UBE2O: variants seen among roughly 807,000 people sequenced by gnomAD.
The protein encoded by UBE2O is ubiquitin conjugating enzyme E2 O.
UBE2O carries 15 observed loss-of-function variants against 125.8 expected under a neutral mutation model. The observed-to-expected ratio is 0.12, with a 90% confidence interval of 0.08 to 0.18. The LOEUF (loss-of-function observed/expected upper bound fraction) is 0.18. Ranked by LOEUF, UBE2O falls within the 10% of genes least tolerant of loss-of-function variation. The pLI is 1.00. For missense variants in UBE2O, 1,280 were observed against 1,723.6 expected, an observed-to-expected ratio of 0.74 and a Z score of 4.56; for synonymous variants, 708 against 703.2, an observed-to-expected ratio of 1.01 and a Z score of -0.11.
In UBE2O at chr17:76,399,959, G is replaced by A. The variant is rs190698199; in HGVS notation, c.1156-38C>T. The A allele has an allele frequency of 1.6e-5, 25 of 1,564,636 alleles. No individual in the cohort carries two copies. Among genetic ancestry groups the A allele is most frequent in the African/African-American group, 1.5e-4 (11 of 73,858 alleles). ...AGCAGAGAGGACAGGGCTGTGAGGT[G>A]CACCTGGGCAGGCCTGGCCCTAGGC... On this transcript the variant is annotated intron_variant, in intron 8 of 17. Coordinates refer to ENST00000319380, the MANE Select transcript of UBE2O (RefSeq NM_022066.4). This position sits in a 1 kb window ranked among gnomAD's most constrained non-coding sequence, Gnocchi z 6.9.
intron 1 of UBE2O, among the ~76,000 whole-genome samples, chr17:76,450,953 C>G (rs1184407123): frequency 1.3e-5 from 2 of 152,102 alleles, no homozygotes; most frequent in African/African-American, 4.8e-5. Flanking sequence ...ATAGGTATTT[C>G]AAGTCAAACT....
chr17:76,411,731 G>GT (rs1408190427), intron 1 of UBE2O, among the ~76,000 whole-genome samples: 1 of 152,168 alleles, frequency 6.6e-6, no homozygotes, highest in Non-Finnish European at 1.5e-5. Flanking sequence ...TGCCACCCAG[G>GT]TTGGAGGGCA....
chr17:76,450,942 A>C (rs575866718), intron 1 of UBE2O, among the ~76,000 whole-genome samples: 1 of 152,296 alleles, frequency 6.6e-6, no homozygotes, highest in South Asian at 2.1e-4. Flanking sequence ...TTAACTCCAA[A>C]ATAGGTATTT....
rs569905016 is a variant in UBE2O at position 76,415,798 on chromosome 17, T to G, written c.418-10226A>C. Among the ~76,000 whole-genome samples, 1,134 of 137,308 alleles carry G rather than the reference T, an allele frequency of 8.3e-3. 11 individuals are homozygous for G. The highest frequency in any genetic ancestry group is 0.013 in the Admixed American group (190 of 14,228). The allele number at this position is 137,308 out of a possible 152,430, so 90.1% of individuals were successfully genotyped here. ...CAGCTTGGGCAACAGAGCAAGACTGTGTGTGTGTGTGTGTGTGTGTGTGTG... is the reference window on the plus strand; with the variant it reads ...CAGCTTGGGCAACAGAGCAAGACTGGGTGTGTGTGTGTGTGTGTGTGTGTG... On this transcript the variant is annotated intron_variant, in intron 1 of 17. Transcript: ENST00000319380.
At chr17:76,429,560 A>AG (rs1304950198) in intron 1 of UBE2O, among the ~76,000 whole-genome samples, 54 of 151,564 alleles carry the variant, frequency 3.6e-4, no homozygotes, top group Admixed American at 3.3e-4. Context: ...AAAAAAAAAA[A>AG]AAAAGTTAAA....
rs187822585 is a variant in UBE2O, at chr17:76,452,091, A to C, written c.417+634T>G. On this transcript the variant is annotated intron_variant, in intron 1 of 17. Transcript: ENST00000319380. This position sits in a 1 kb window ranked among gnomAD's most constrained non-coding sequence, Gnocchi z 4.4. ...ATCAATCCCGGTCGCAGCTGTCAGA[A>C]TCCTCCCCCCCAAGTACTATTCATA... 7.0e-3 allele frequency among the ~76,000 whole-genome samples: 1,067 copies of C among 152,142 alleles called. 11 individuals carry two copies. Among genetic ancestry groups the C allele is most frequent in the Non-Finnish European group, 0.011 (765 of 67,996 alleles).
chr17:76,407,350 G>A (rs1462006813), intron 1 of UBE2O, among the ~76,000 whole-genome samples: 1 of 152,202 alleles, frequency 6.6e-6, no homozygotes, highest in African/African-American at 2.4e-5. Flanking sequence ...AATATTCTGT[G>A]CCTGTAACCC....
Position 76,405,164 on chromosome 17 carries a change from A to C in UBE2O, c.588+42T>G. 6.9e-7 allele frequency: 1 copy of C among 1,450,878 alleles called. No individual in the cohort carries two copies. The highest frequency in any genetic ancestry group is 9.5e-7 in the Non-Finnish European group (1 of 1,048,956). The allele number at this position is 1,450,878 out of a possible 1,614,324, so 89.9% of individuals were successfully genotyped here. On this transcript the variant is annotated intron_variant, in intron 3 of 17. Transcript: ENST00000319380. The surrounding 1 kb of genome is among the most constrained non-coding windows in gnomAD (Gnocchi z 6.1). The stretch of plus-strand genomic sequence containing the variant: ...CAGAGGTCGTGCCGCCGAGAGAACC[A>C]GAGGGCCCAGAAAGGATGATGAGAA...
chr17:76,417,904 T>C (rs2072643313), intron 1 of UBE2O, among the ~76,000 whole-genome samples: 1 of 152,196 alleles, frequency 6.6e-6, no homozygotes, highest in South Asian at 2.1e-4. Context: ...TCCATGATGG[T>C]GCTGTTTCCG....
At position 76,397,900 on chromosome 17, in the gene UBE2O, A is replaced by C; in HGVS notation, c.2026-12T>G. ...TGGCCCACCGATGGCTGCTGGGCAA[A>C]GGGGACAAAGTCAGGGGGCCCAGCT... is the stretch of plus-strand genomic sequence containing the variant. On this transcript the variant is annotated splice_polypyrimidine_tract_variant and intron_variant, in intron 12 of 17. Coordinates refer to ENST00000319380, the MANE Select transcript of UBE2O (RefSeq NM_022066.4). The C allele has an allele frequency of 1.9e-6, 3 of 1,613,732 alleles. No homozygotes were observed. The highest frequency in any genetic ancestry group is 2.5e-6 in the Non-Finnish European group (3 of 1,179,938).
At chr17:76,430,528 C>A in intron 1 of UBE2O, 1 of 247,062 alleles carries the variant, frequency 4.0e-6, no homozygotes, top group Non-Finnish European at 8.0e-6. Flanking sequence ...GAGAGGATAA[C>A]TTGAAGGGCC....
At chr17:76,416,178 G>GTATA (rs1567843435) in intron 1 of UBE2O, among the ~76,000 whole-genome samples, 1 of 151,810 alleles carries the variant, frequency 6.6e-6, no homozygotes, top group African/African-American at 2.4e-5. Flanking sequence ...ATACGTGTGT[G>GTATA]TGTGTATATG....
chr17:76,426,617 A>G (rs912722358), intron 1 of UBE2O, among the ~76,000 whole-genome samples: 2 of 152,202 alleles, frequency 1.3e-5, no homozygotes, highest in African/African-American at 4.8e-5. Context: ...AAATTGGAAC[A>G]TGTCTACTTG....
At chr17:76,442,114 A>G (rs1212074305) in intron 1 of UBE2O, among the ~76,000 whole-genome samples, 1 of 152,202 alleles carries the variant, frequency 6.6e-6, no homozygotes, top group Non-Finnish European at 1.5e-5. Context: ...TGCAGCCAGA[A>G]GCAGCTTCAT....
chr17:76,448,239 G>A (rs145563760), intron 1 of UBE2O, among the ~76,000 whole-genome samples: 1 of 152,170 alleles, frequency 6.6e-6, no homozygotes, highest in African/African-American at 2.4e-5. Flanking sequence ...CAGAACAGCT[G>A]TTAAGAGTCT....
intron 1 of UBE2O, among the ~76,000 whole-genome samples, chr17:76,409,394 C>A (rs1239414439): frequency 6.6e-6 from 1 of 151,002 alleles, no homozygotes; most frequent in Non-Finnish European, 1.5e-5. Flanking sequence ...AAAATGAACA[C>A]ACACTACTTT....
In UBE2O at chr17:76,399,998, G is replaced by A. The variant is rs1175698311; in HGVS notation, c.1156-77C>T. On this transcript the variant is annotated intron_variant, in intron 8 of 17. Coordinates refer to ENST00000319380, the MANE Select transcript of UBE2O (RefSeq NM_022066.4). The surrounding 1 kb of genome is among the most constrained non-coding windows in gnomAD (Gnocchi z 6.9). ...CTGGCCCTAGGCATCTCAGGCTGGG[G>A]GGATGACAGCTGTATACACCTGAGT... is the stretch of plus-strand genomic sequence containing the variant. 3 of 1,534,254 alleles carry A rather than the reference G, an allele frequency of 2.0e-6. No homozygotes were observed. The highest frequency in any genetic ancestry group is 1.9e-5 in the Admixed American group (1 of 51,496).
chr17:76,412,206 G>A (rs2072527872), intron 1 of UBE2O, among the ~76,000 whole-genome samples: 1 of 152,140 alleles, frequency 6.6e-6, no homozygotes, highest in South Asian at 2.1e-4. Context: ...GTAGGACTAA[G>A]CCAGACCCTA....
chr17:76,393,080 G>A (rs2072143194), intron 15 of UBE2O, among the ~76,000 whole-genome samples: 1 of 151,652 alleles, frequency 6.6e-6, no homozygotes, highest in South Asian at 2.1e-4. Flanking sequence ...GCAACATAGT[G>A]GGACCCTATC....
Sources: gnomAD v4.1 joint callset for allele counts (sites outside exome capture counted in the v4.1 genomes callset) on GRCh38, gnomAD v4.1.1 for gene constraint, Gnocchi (gnomAD v3.1) non-coding constraint, MANE v1.5 for transcripts, NCBI Gene and HGNC (gene_info 2026-07-23, HGNC 2026-07-21) for gene names.